The following UBOX5 variants were observed in gnomAD, a reference collection of about 807,000 sequenced individuals.
The protein encoded by UBOX5 is RING finger protein 37.
Under a neutral mutation model 39.0 loss-of-function variants are expected in UBOX5, and 28 were observed. That is an observed-to-expected ratio of 0.72 (90% CI 0.53 to 0.98). The LOEUF (loss-of-function observed/expected upper bound fraction) is 0.98. Among genes scored for constraint, UBOX5 ranks in the 50% least tolerant of loss-of-function variants. The pLI, the probability that UBOX5 is intolerant of heterozygous loss-of-function variation, is 0.00. For missense variants in UBOX5, 585 were observed against 674.4 expected (o/e 0.87, Z 1.47); for synonymous variants, 283 against 275.5 (o/e 1.03, Z -0.27).
chr20:3,115,369 C>G lies in UBOX5; in HGVS notation c.1353G>C (p.Arg451Ser), dbSNP rs749788435. The G allele has an allele frequency of 6.2e-7, 1 of 1,614,090 alleles. No individual in the cohort carries two copies. The highest frequency in any genetic ancestry group is 1.3e-5 in the African/African-American group (1 of 74,932). Residue 451 changes from arginine (R) to serine (S), a missense_variant, in exon 4 of 5, where the codon AGG (arginine) becomes AGC (serine). Coordinates refer to ENST00000217173, the MANE Select transcript of UBOX5 (RefSeq NM_014948.4). ...TTGTGCCAAGGTGCTGGAGCTGTCC[C>G]CTGGTCAGCCGTGCCGTGAAGGAGG... is the stretch of plus-strand genomic sequence containing the variant. ...SMPSFTARLTRGQLQHLGTRG... is the reference protein window; with the variant it reads ...SMPSFTARLTSGQLQHLGTRG...
chr20:3,122,559 T>G lies in UBOX5; in HGVS notation c.80A>C (p.Glu27Ala). The change falls in exon 3 of 5, where the codon GAA becomes GCA. Residue 27 changes from glutamate to alanine, a missense_variant. Coordinates refer to ENST00000217173, the MANE Select transcript of UBOX5 (RefSeq NM_014948.4). ...NKISADGYEV[E>A]NLISEDLTKR... Reference sequence around the variant, plus strand: ...TGTGAGATCTTCAGAGATGAGATTTTCTACTTCGTAACCATCAGCTGATAT... The same window carrying G: ...TGTGAGATCTTCAGAGATGAGATTTGCTACTTCGTAACCATCAGCTGATAT... 1 of 1,595,384 alleles carries G rather than the reference T, an allele frequency of 6.3e-7. No individual in the cohort carries two copies. Among genetic ancestry groups the G allele is most frequent in the Non-Finnish European group, 8.6e-7 (1 of 1,168,456 alleles).
intron 1 of UBOX5, among the ~76,000 whole-genome samples, chr20:3,126,900 G>A (rs1246963488): frequency 1.3e-5 from 2 of 152,040 alleles, no homozygotes; most frequent in African/African-American, 4.8e-5. Context: ...GTTGGGCATG[G>A]TGGCAGGCAC....
chr20:3,128,917 C>T (rs911190031), intron 1 of UBOX5, among the ~76,000 whole-genome samples: 2 of 152,164 alleles, frequency 1.3e-5, no homozygotes, highest in Admixed American at 1.3e-4. Flanking sequence ...GGTTATTATG[C>T]TCTATGATAT....
chr20:3,110,374 G>A, intron 4 of UBOX5, 60 bp from the exon 5 acceptor site: 1 of 1,582,428 alleles, frequency 6.3e-7, no homozygotes, highest in Non-Finnish European at 8.7e-7. Context: ...GGTCCAGGCT[G>A]CTCTGAGGGG....
At chr20:3,118,841 A>G (rs1402302400) in intron 3 of UBOX5, among the ~76,000 whole-genome samples, 1 of 152,160 alleles carries the variant, frequency 6.6e-6, no homozygotes, top group African/African-American at 2.4e-5. Flanking sequence ...CCAGAGGCTG[A>G]GGCATGAGAA....
At chr20:3,157,655 G>A (rs2066700443) in intron 1 of UBOX5, among the ~76,000 whole-genome samples, 1 of 152,148 alleles carries the variant, frequency 6.6e-6, no homozygotes, top group East Asian at 1.9e-4. Context: ...CAGGCAGTAG[G>A]CACTCATGTC....
intron 1 of UBOX5, among the ~76,000 whole-genome samples, chr20:3,141,879 T>G (rs973774228): frequency 6.6e-6 from 1 of 151,848 alleles, no homozygotes; most frequent in Non-Finnish European, 1.5e-5. Context: ...GATGTCGTAG[T>G]GTGCCCACAG....
At position 3,108,422 on chromosome 20, in the gene UBOX5, C is replaced by G. The variant is rs1444873098; in HGVS notation, c.*1684G>C. 2 of 152,288 alleles carry G rather than the reference C, an allele frequency of 1.3e-5. No individual in the cohort carries two copies. The highest frequency in any genetic ancestry group is 2.9e-5 in the Non-Finnish European group (2 of 68,090). 9.4% of individuals were successfully genotyped at this position (152,288 alleles called of 1,614,324 possible). A position where few individuals can be genotyped will look rare whatever the true frequency, so the allele number is the denominator to read the frequency against. On this transcript the variant is annotated 3_prime_UTR_variant, in exon 5 of 5. Transcript: ENST00000217173. ...CATGCCCGGCCATGCTGGGGCTTTT[C>G]TAAGAACACAAGCACACCGGAGGGT...
At chr20:3,141,994 C>T (rs924454414) in intron 1 of UBOX5, among the ~76,000 whole-genome samples, 1 of 151,658 alleles carries the variant, frequency 6.6e-6, no homozygotes, top group African/African-American at 2.4e-5. Flanking sequence ...GCCTGGGCAA[C>T]AGAGTGAGAC....
intron 1 of UBOX5, chr20:3,148,177 T>G: frequency 1.2e-6 from 2 of 1,613,928 alleles, no homozygotes; most frequent in Non-Finnish European, 1.7e-6. Context: ...ATTTTTGCAT[T>G]AGGTCCTGGG....
At chr20:3,154,046 C>T (rs1258126312) in intron 1 of UBOX5, among the ~76,000 whole-genome samples, 1 of 152,118 alleles carries the variant, frequency 6.6e-6, no homozygotes, top group African/African-American at 2.4e-5. Flanking sequence ...GCAAAGAGTT[C>T]GCAGGATGCT....
At chr20:3,147,644 AGGCAGGT>A in intron 1 of UBOX5, 1 of 1,614,250 alleles carries the variant, frequency 6.2e-7, no homozygotes, top group Non-Finnish European at 8.5e-7. Context: ...CAGGCCCAGC[AGGCAGGT>A]GGGCAGGTGT....
chr20:3,142,970 T>C (rs1297922182), intron 1 of UBOX5, among the ~76,000 whole-genome samples: 1 of 150,732 alleles, frequency 6.6e-6, no homozygotes, highest in African/African-American at 2.4e-5. Flanking sequence ...GAAAAGAAGA[T>C]ATAAAACTGT....
At chr20:3,136,289 T>C (rs984008048) in intron 1 of UBOX5, 1 of 151,850 alleles carries the variant, frequency 6.6e-6, no homozygotes, top group Non-Finnish European at 1.5e-5. Context: ...AAATGAACTA[T>C]GTATAATGTA....
intron 4 of UBOX5, among the ~76,000 whole-genome samples, chr20:3,113,255 T>C (rs147732399): frequency 1.4e-5 from 2 of 142,122 alleles, no homozygotes; most frequent in East Asian, 2.0e-4. Flanking sequence ...GCCATTGTAC[T>C]CTAGCCCGGG....
intron 1 of UBOX5, chr20:3,148,205 C>T: frequency 6.2e-7 from 1 of 1,614,000 alleles, no homozygotes; most frequent in Non-Finnish European, 8.5e-7. Context: ...ACGATTTTCA[C>T]CTATAACATA....
At chr20:3,123,536 C>G (rs549066694) in intron 1 of UBOX5, 130 bp from the exon 2 acceptor site, 3 of 629,028 alleles carry the variant, frequency 4.8e-6, no homozygotes, top group Admixed American at 5.7e-5. Flanking sequence ...ACGGTCCACA[C>G]TGACTTTCCT....
rs1444845750 is a variant in UBOX5 at position 3,109,470 on chromosome 20, T to TTA, written c.*635_*636insTA. ...ACCTGAAAATTCCAGTTTGTGTCCT[T>TTA]TCAGGTCATCGACAGGAATGACAGC... On this transcript the variant is annotated 3_prime_UTR_variant, in exon 5 of 5. Coordinates refer to ENST00000217173, the MANE Select transcript of UBOX5 (RefSeq NM_014948.4). 1 of 154,288 alleles carries TTA rather than the reference T, an allele frequency of 6.5e-6. No homozygotes were observed. The highest frequency in any genetic ancestry group is 2.4e-5 in the African/African-American group (1 of 41,420). The allele number at this position is 154,288 out of a possible 1,614,324, so 9.6% of individuals were successfully genotyped here.
chr20:3,111,908 A>G (rs888416333), intron 4 of UBOX5, among the ~76,000 whole-genome samples: 19 of 152,144 alleles, frequency 1.2e-4, no homozygotes, highest in Non-Finnish European at 2.9e-5. Context: ...CTCGGGCACC[A>G]GGCACCAAAG....
Sources: gnomAD v4.1 joint callset for allele counts (sites outside exome capture counted in the v4.1 genomes callset) on GRCh38, gnomAD v4.1.1 for gene constraint, MANE v1.5 for transcripts, NCBI Gene and HGNC (gene_info 2026-07-23, HGNC 2026-07-21) for gene names.